The following MYL3 variants were observed in gnomAD, a reference collection of about 807,000 sequenced individuals.
MYL3 encodes the protein CMLC1.
In MYL3, 11 loss-of-function variants were observed where a neutral mutation model predicts 21.3. The observed-to-expected ratio is 0.52, with a 90% CI of 0.32 to 0.85. The LOEUF is 0.85. Ranked by LOEUF, MYL3 falls within the 40% of genes least tolerant of loss-of-function variation. The pLI, the probability that MYL3 is intolerant of heterozygous loss-of-function variation, is 0.03. For synonymous variants in MYL3, 88 were observed against 91.6 expected, an observed-to-expected ratio of 0.96 and a Z score of 0.22; for missense variants, 206 against 253.3, an observed-to-expected ratio of 0.81 and a Z score of 1.27.
chr3:46,877,822 T>C (rs1222436012), intron 1 of MYL3: 1 of 152,244 alleles, frequency 6.6e-6, no homozygotes, highest in African/African-American at 2.4e-5. Flanking sequence ...TAGGCCCGAC[T>C]TGGAAGGCCC....
intron 1 of MYL3, among the ~76,000 whole-genome samples, chr3:46,875,346 C>T (rs2030153643): frequency 2.0e-5 from 3 of 152,224 alleles, no homozygotes; most frequent in Admixed American, 2.0e-4. Flanking sequence ...CAGAGACTTG[C>T]CCTACTCCAG....
chr3:46,875,715 C>T (rs974017498), intron 1 of MYL3, among the ~76,000 whole-genome samples: 3 of 152,362 alleles, frequency 2.0e-5, no homozygotes, highest in South Asian at 2.1e-4. Flanking sequence ...CACCATCCCA[C>T]TTATGCCTCA....
Position 46,859,740 on chromosome 3 carries a change from T to C in MYL3, c.308-92A>G. On this transcript the variant is annotated intron_variant, in intron 3 of 6. Coordinates refer to ENST00000292327, the MANE Select transcript of MYL3 (RefSeq NM_000258.3). This position sits in a 1 kb window ranked among gnomAD's most constrained non-coding sequence, Gnocchi z 4.1. ...GATAATGAGGAGCTATCCCCACCTC[T>C]CACACAGTTCTACAACAGTCTACAC... 1 of 1,418,412 alleles carries C rather than the reference T, an allele frequency of 7.1e-7. No homozygotes were observed. The highest frequency in any genetic ancestry group is 2.3e-5 in the East Asian group (1 of 43,932). The allele number at this position is 1,418,412 out of a possible 1,614,324, so 87.9% of individuals were successfully genotyped here.
upstream of MYL3, among the ~76,000 whole-genome samples, chr3:46,867,195 C>A (rs1702054032): frequency 6.6e-6 from 1 of 151,884 alleles, no homozygotes; most frequent in Non-Finnish European, 1.5e-5. Flanking sequence ...TCAACCCAGA[C>A]TCCGGACCCC....
intron 1 of MYL3, among the ~76,000 whole-genome samples, chr3:46,876,629 A>C (rs1195659196): frequency 2.6e-5 from 4 of 152,094 alleles, no homozygotes; most frequent in African/African-American, 9.7e-5. Flanking sequence ...TGGAAACTCT[A>C]ATGAGTGGTA....
At chr3:46,864,602 T>C (rs1702028976), upstream of MYL3, among the ~76,000 whole-genome samples, 1 of 152,162 alleles carries the variant, frequency 6.6e-6, no homozygotes, top group African/African-American at 2.4e-5. This position sits in a 1 kb window ranked among gnomAD's most constrained non-coding sequence, Gnocchi z 4.7. Flanking sequence ...TCCAATGCTA[T>C]TCCACTGCCA....
At chr3:46,877,358 G>A (rs2030283095) in intron 1 of MYL3, among the ~76,000 whole-genome samples, 1 of 152,210 alleles carries the variant, frequency 6.6e-6, no homozygotes, top group Non-Finnish European at 1.5e-5. Context: ...GTCACTAGTA[G>A]GGGCTGTGTT....
At position 46,874,735 on chromosome 3, in the gene MYL3, C is replaced by A. The variant is rs6784957; in HGVS notation, c.-218+7339G>T. 0.96 allele frequency among the ~76,000 whole-genome samples: 145,495 copies of A among 151,778 alleles called. 69,769 individuals carry two copies. Among genetic ancestry groups the A allele is most frequent in the East Asian group, 0.99 (5,063 of 5,128 alleles). ...GGTATTCCGAGGCACAGACCCCCCC[C>A]CACACACACAATAGGGACGCACTAG... On this transcript the variant is annotated intron_variant, in intron 1 of 3. Transcript: ENST00000431168. The surrounding 1 kb of genome is among the most constrained non-coding windows in gnomAD (Gnocchi z 4.1).
At position 46,859,698 on chromosome 3, in the gene MYL3, A is replaced by C. The variant is rs1402842049; in HGVS notation, c.308-50T>G. On this transcript the variant is annotated intron_variant, in intron 3 of 6. Transcript: ENST00000292327. This position sits in a 1 kb window ranked among gnomAD's most constrained non-coding sequence, Gnocchi z 4.1. Reference sequence around the variant, plus strand: ...CAGGGTCTAAGGCTGGGGTGGGCACACCCCTCCCCCATGCCTGATAATGAG... The same window carrying C: ...CAGGGTCTAAGGCTGGGGTGGGCACCCCCCTCCCCCATGCCTGATAATGAG... 1 of 1,601,634 alleles carries C rather than the reference A, an allele frequency of 6.2e-7. No individual in the cohort carries two copies. The highest frequency in any genetic ancestry group is 1.7e-5 in the Admixed American group (1 of 59,964).
At chr3:46,873,803 T>C (rs922830949) in intron 1 of MYL3, among the ~76,000 whole-genome samples, 9 of 151,962 alleles carry the variant, frequency 5.9e-5, no homozygotes, top group Non-Finnish European at 1.3e-4. Flanking sequence ...TCATGACTAG[T>C]CCGGGAGGCA....
At chr3:46,869,306 C>T (rs1016659633) in intron 1 of MYL3, among the ~76,000 whole-genome samples, 1 of 152,206 alleles carries the variant, frequency 6.6e-6, no homozygotes, top group Non-Finnish European at 1.5e-5. Context: ...TGCAGGGGCT[C>T]AGCAGCGGCC....
chr3:46,859,169 T>C lies in MYL3; in HGVS notation c.481+306A>G, dbSNP rs1701963645. On this transcript the variant is annotated intron_variant, in intron 4 of 6. Transcript: ENST00000292327. The surrounding 1 kb of genome is among the most constrained non-coding windows in gnomAD (Gnocchi z 4.1). ...CCACTTAGGGCTGTGGCCCTGGAAT[T>C]TGACCTTGGAGTAATGACCACCAGG... is the stretch of plus-strand genomic sequence containing the variant. Among the ~76,000 whole-genome samples the C allele has an allele frequency of 6.6e-6, 1 of 152,054 alleles. No homozygotes were observed. Among genetic ancestry groups the C allele is most frequent in the African/African-American group, 2.4e-5 (1 of 41,396 alleles).
chr3:46,874,432 G>A lies in MYL3; in HGVS notation c.-218+7642C>T, dbSNP rs761775573. ...AGGCCTAACAGGGCAGGAGTGTCAG[G>A]ACTAGGGGTTCTCCACTCGAGGGCT... is the stretch of plus-strand genomic sequence containing the variant. On this transcript the variant is annotated intron_variant, in intron 1 of 3. Transcript: ENST00000431168. This position sits in a 1 kb window ranked among gnomAD's most constrained non-coding sequence, Gnocchi z 4.1. 1.3e-5 allele frequency among the ~76,000 whole-genome samples: 2 copies of A among 152,142 alleles called. No homozygotes were observed. Among genetic ancestry groups the A allele is most frequent in the African/African-American group, 2.4e-5 (1 of 41,424 alleles).
chr3:46,875,794 C>T (rs2030175589), intron 1 of MYL3, among the ~76,000 whole-genome samples: 3 of 152,250 alleles, frequency 2.0e-5, no homozygotes, highest in Admixed American at 1.3e-4. Flanking sequence ...GGCATCCAGG[C>T]GTTCTGAACC....
chr3:46,870,385 G>T (rs908838997), intron 1 of MYL3, among the ~76,000 whole-genome samples: 4 of 151,890 alleles, frequency 2.6e-5, no homozygotes, highest in African/African-American at 9.7e-5. Flanking sequence ...AGACAGGAGG[G>T]TGACAAGAAG....
At chr3:46,862,955 G>A (rs1171555771) in intron 1 of MYL3, among the ~76,000 whole-genome samples, 1 of 152,238 alleles carries the variant, frequency 6.6e-6, no homozygotes, top group Non-Finnish European at 1.5e-5. Flanking sequence ...AGAAGTCCAG[G>A]AAGAAGGGCA....
rs945521831 is a variant in MYL3, at chr3:46,879,750, A to G, written c.-218+2324T>C. 1.8e-4 allele frequency among the ~76,000 whole-genome samples: 27 copies of G among 149,132 alleles called. No individual in the cohort carries two copies. Among genetic ancestry groups the G allele is most frequent in the Non-Finnish European group, 3.3e-4 (22 of 66,938 alleles). On this transcript the variant is annotated intron_variant, in intron 1 of 3. Transcript: ENST00000431168. This position sits in a 1 kb window ranked among gnomAD's most constrained non-coding sequence, Gnocchi z 4.7. ...TGACACAGCAAGACCCTGTCTGGGG[A>G]AAAAAAAAATGCTGCGTGTGGTGGC...
Position 46,860,640 on chromosome 3 carries a change from A to G in MYL3, c.307+36T>C, listed in dbSNP as rs778800102. On this transcript the variant is annotated intron_variant, in intron 3 of 6. Transcript: ENST00000292327. This position sits in a 1 kb window ranked among gnomAD's most constrained non-coding sequence, Gnocchi z 4.6. ...AGCCCACCCAGCCAGTCTCCCCGGT[A>G]CTAACACTATGGGGGCTCTCGGGCA... 8 of 1,610,098 alleles carry G rather than the reference A, an allele frequency of 5.0e-6. No homozygotes were observed. In the Admixed American group the frequency reaches 1.2e-4, roughly 23 times the overall value.
rs762930148 is a variant in MYL3 at position 46,860,626 on chromosome 3, C to T, written c.307+50G>A. On this transcript the variant is annotated intron_variant, in intron 3 of 6. Transcript: ENST00000292327. This position sits in a 1 kb window ranked among gnomAD's most constrained non-coding sequence, Gnocchi z 4.6. ...GCAGGATGGATGGCAGCCCACCCAGCCAGTCTCCCCGGTACTAACACTATG... is the reference window on the plus strand; with the variant it reads ...GCAGGATGGATGGCAGCCCACCCAGTCAGTCTCCCCGGTACTAACACTATG... 1.2e-6 allele frequency: 2 copies of T among 1,606,006 alleles called. No homozygotes were observed. The highest frequency in any genetic ancestry group is 1.3e-5 in the African/African-American group (1 of 74,848).
Sources: gnomAD v4.1 joint callset for allele counts (sites outside exome capture counted in the v4.1 genomes callset) on GRCh38, gnomAD v4.1.1 for gene constraint, Gnocchi (gnomAD v3.1) non-coding constraint, MANE v1.5 for transcripts, NCBI Gene and HGNC (gene_info 2026-07-23, HGNC 2026-07-21) for gene names.